Variants in NRXN3 observed in about 807,000 individuals in gnomAD.
The protein encoded by NRXN3 is neurexin III.
In NRXN3, 32 loss-of-function variants were observed where a neutral mutation model predicts 137.6. The ratio of observed to expected loss-of-function variants is 0.23; its 90% CI spans 0.18 to 0.31. The LOEUF (loss-of-function observed/expected upper bound fraction) is 0.31, where lower values mean the gene tolerates loss of function less well. NRXN3 is among the 10% of genes least tolerant of loss of function. The probability of loss-of-function intolerance (pLI) is 1.00; values close to 1 mark genes in which losing one functional copy is unlikely to be tolerated. For synonymous variants in NRXN3, 798 were observed against 784.5 expected, an observed-to-expected ratio of 1.02 and a Z score of -0.29; for missense variants, 1,574 against 2,062.5, an observed-to-expected ratio of 0.76 and a Z score of 4.59.
At chr14:79,001,526 C>T (rs568606210) in intron 15 of NRXN3, among the ~76,000 whole-genome samples, 2 of 152,208 alleles carry the variant, frequency 1.3e-5, no homozygotes, top group African/African-American at 4.8e-5. Flanking sequence ...ATGCTCCATG[C>T]CCTTGCAGCT....
In NRXN3 at chr14:79,864,359, T is replaced by G. The variant is rs946085487; in HGVS notation, c.*2395T>G. On this transcript the variant is annotated 3_prime_UTR_variant, in exon 21 of 21. Transcript: ENST00000335750. ...TTACTGCTTTTTCTTTTTTCTTTTC[T>G]TAGTTCATATTTGCATTTTCGTTCA... 6.5e-6 allele frequency: 1 copy of G among 152,766 alleles called. No individual in the cohort carries two copies. The highest frequency in any genetic ancestry group is 1.5e-5 in the Non-Finnish European group (1 of 68,034). 9.5% of individuals were successfully genotyped at this position (152,766 alleles called of 1,614,324 possible). A position where few individuals can be genotyped will look rare whatever the true frequency, so the allele number is the denominator to read the frequency against.
intron 15 of NRXN3, among the ~76,000 whole-genome samples, chr14:79,114,405 G>A (rs2054042923): frequency 6.6e-6 from 1 of 152,032 alleles, no homozygotes; most frequent in Non-Finnish European, 1.5e-5. Flanking sequence ...CTGTCACCTA[G>A]GCTAGAGTGC....
intron 11 of NRXN3, among the ~76,000 whole-genome samples, chr14:78,962,334 G>A (rs779958952): frequency 3.3e-5 from 5 of 150,192 alleles, no homozygotes; most frequent in Non-Finnish European, 5.9e-5. Flanking sequence ...GCAGTATTTA[G>A]CACAGTGCTT....
intron 4 of NRXN3, among the ~76,000 whole-genome samples, chr14:78,482,194 T>C (rs1272584475): frequency 6.6e-6 from 1 of 152,212 alleles, no homozygotes; most frequent in African/African-American, 2.4e-5. Flanking sequence ...ATAGCTGATA[T>C]ACTCTTGTCA....
chr14:78,657,595 C>G (rs2097795037), intron 6 of NRXN3, among the ~76,000 whole-genome samples: 1 of 152,208 alleles, frequency 6.6e-6, no homozygotes, highest in South Asian at 2.1e-4. Flanking sequence ...ACATTACATT[C>G]CACATCCCTT....
chr14:79,595,410 C>G (rs1206234776), intron 16 of NRXN3, among the ~76,000 whole-genome samples: 1 of 152,126 alleles, frequency 6.6e-6, no homozygotes, highest in Admixed American at 6.6e-5. Context: ...CTTATATTTT[C>G]TTTTTGTCTA....
At chr14:78,651,424 A>G (rs1337338273) in intron 6 of NRXN3, 98 bp downstream of exon 6, 1 of 1,321,774 alleles carries the variant, frequency 7.6e-7, no homozygotes, top group Non-Finnish European at 1.0e-6. Context: ...CCTCAAATCT[A>G]TGAGATGATA....
intron 1 of NRXN3, among the ~76,000 whole-genome samples, chr14:78,238,198 A>G (rs1235947762): frequency 6.7e-6 from 1 of 148,898 alleles, no homozygotes; most frequent in Non-Finnish European, 1.5e-5. Flanking sequence ...GACATTTGCA[A>G]AGATGTTAAC....
rs60432415 is a variant in NRXN3, at chr14:79,493,703, A to T, written c.3444+26301A>T. On this transcript the variant is annotated intron_variant, in intron 16 of 20. Coordinates refer to ENST00000335750, the MANE Select transcript of NRXN3 (RefSeq NM_001330195.2). Reference sequence around the variant, plus strand: ...AGTGACTACACCATCCATTAATAATATATAGGAAGGCAGTTTGGGAATGTC... The same window carrying T: ...AGTGACTACACCATCCATTAATAATTTATAGGAAGGCAGTTTGGGAATGTC... Among the ~76,000 whole-genome samples the T allele has an allele frequency of 0.014, 2,136 of 152,326 alleles. 99 individuals carry two copies. The East Asian group carries it at 0.15, about 11-fold the overall frequency.
chr14:78,405,388 T>C (rs893671903), intron 4 of NRXN3, among the ~76,000 whole-genome samples: 4 of 152,330 alleles, frequency 2.6e-5, no homozygotes, highest in Admixed American at 2.0e-4. Context: ...AGTGCTTTGC[T>C]TACTTTTTCT....
intron 10 of NRXN3, among the ~76,000 whole-genome samples, chr14:78,881,704 AT>A (rs1227962368): frequency 6.6e-6 from 1 of 151,756 alleles, no homozygotes; most frequent in Non-Finnish European, 1.5e-5. Flanking sequence ...GGAATTGGAA[AT>A]TGTTTAAATG....
chr14:79,101,193 C>T lies in NRXN3; in HGVS notation c.3262+113052C>T, dbSNP rs747532349. Among the ~76,000 whole-genome samples, 12 of 152,164 alleles carry T rather than the reference C, an allele frequency of 7.9e-5. 1 individual carries two copies. Among genetic ancestry groups the T allele is most frequent in the Non-Finnish European group, 1.5e-4 (10 of 68,028 alleles). On this transcript the variant is annotated intron_variant, in intron 15 of 20. Transcript: ENST00000335750. ...GAGCCATGTCGAAAAGGAGGGGAGG[C>T]ACTCAGGGCAGTGGTTTTTCATGGC...
At chr14:79,578,792 G>GT (rs2097688694) in intron 16 of NRXN3, among the ~76,000 whole-genome samples, 1 of 152,114 alleles carries the variant, frequency 6.6e-6, no homozygotes, top group Non-Finnish European at 1.5e-5. Flanking sequence ...AGGAAACGCT[G>GT]TTTTGAACTT....
intron 10 of NRXN3, among the ~76,000 whole-genome samples, chr14:78,928,621 G>A (rs547256994): frequency 9.2e-5 from 14 of 152,122 alleles, no homozygotes; most frequent in Non-Finnish European, 2.1e-4. Flanking sequence ...CCCTACAAAG[G>A]ACATGAACTC....
chr14:79,126,842 T>C (rs1435239771), intron 15 of NRXN3, among the ~76,000 whole-genome samples: 2 of 152,138 alleles, frequency 1.3e-5, no homozygotes, highest in Non-Finnish European at 2.9e-5. Context: ...ACCTGTTGTT[T>C]CCTGACTTTT....
rs576701075 is a variant in NRXN3 at position 78,805,174 on chromosome 14, TC to T, written c.2248+1352del. Among the ~76,000 whole-genome samples, 342 of 152,276 alleles carry T rather than the reference TC, an allele frequency of 2.2e-3. 3 individuals are homozygous for T. The highest frequency in any genetic ancestry group is 8.0e-3 in the African/African-American group (332 of 41,554). On this transcript the variant is annotated intron_variant, in intron 9 of 20. Transcript: ENST00000335750. ...CTTCTTTAGTTATGTCTTTTTTTTTTCTTCTAGTTTTCAGTGTTTACAGTAC... is the reference window on the plus strand; with the variant it reads ...CTTCTTTAGTTATGTCTTTTTTTTTTTTCTAGTTTTCAGTGTTTACAGTAC...
rs568566463 is a variant in NRXN3 at position 79,249,216 on chromosome 14, G to A, written c.3263-218005G>A. 2.0e-5 allele frequency among the ~76,000 whole-genome samples: 3 copies of A among 152,166 alleles called. No individual in the cohort carries two copies. In the South Asian group the frequency reaches 6.2e-4, roughly 32 times the overall value. The stretch of plus-strand genomic sequence containing the variant: ...AGCTAAGTAGGAAGTAGGGAAAAAA[G>A]AAAAGAGAAAAAATACATTATCTCT... On this transcript the variant is annotated intron_variant, in intron 15 of 20. Transcript: ENST00000335750.
rs942044582 is a variant in NRXN3, at chr14:79,850,089, G to C, written c.4094-11253G>C. ...AAATCAAATCTATGAAAATGTTTTT[G>C]TATATTTCATAGGAGAAACAGATGT... On this transcript the variant is annotated intron_variant, in intron 20 of 20. Transcript: ENST00000335750. Among the ~76,000 whole-genome samples, 3 of 152,262 alleles carry C rather than the reference G, an allele frequency of 2.0e-5. No individual in the cohort carries two copies. In the East Asian group the frequency reaches 5.8e-4, roughly 29 times the overall value.
intron 15 of NRXN3, among the ~76,000 whole-genome samples, chr14:79,073,187 C>T (rs535800427): frequency 5.7e-4 from 86 of 152,156 alleles, no homozygotes; most frequent in South Asian, 1.9e-3. Context: ...GCGCCCGGCC[C>T]GTCTCTAAGT....
Sources: allele counts gnomAD v4.1 joint callset (sites outside exome capture counted in the v4.1 genomes callset), GRCh38; gene constraint gnomAD v4.1.1; transcripts MANE v1.5; gene names NCBI Gene and HGNC (gene_info 2026-07-23, HGNC 2026-07-21).